Variants in EMC2 observed in about 807,000 individuals in gnomAD.
EMC2 encodes the protein TPR repeat protein 35.
A neutral mutation model predicts 51.6 loss-of-function variants in EMC2; 37 were observed. That is an observed-to-expected ratio of 0.72 (90% CI 0.55 to 0.94). EMC2 has a LOEUF of 0.94. Among genes scored for constraint, EMC2 ranks in the 40% least tolerant of loss-of-function variants. The pLI, the probability that EMC2 is intolerant of heterozygous loss-of-function variation, is 0.00. For synonymous variants in EMC2, 131 were observed against 112.4 expected, an observed-to-expected ratio of 1.17 and a Z score of -1.04; for missense variants, 359 against 350.9, an observed-to-expected ratio of 1.02 and a Z score of -0.18.
At chr8:108,479,408 G>C (rs139082943) in intron 10 of EMC2, among the ~76,000 whole-genome samples, 1 of 152,116 alleles carries the variant, frequency 6.6e-6, no homozygotes, top group East Asian at 1.9e-4. Context: ...TAAATATCAC[G>C]TCACATTTCA....
chr8:108,450,182 A>ATTGT (rs1818982229), intron 2 of EMC2, among the ~76,000 whole-genome samples: 1 of 152,156 alleles, frequency 6.6e-6, no homozygotes, highest in Non-Finnish European at 1.5e-5. Flanking sequence ...GCCAAAATGT[A>ATTGT]TTGTGTATGG....
At position 108,487,378 on chromosome 8, in the gene EMC2, GA is replaced by G. The variant is rs1164317065; in HGVS notation, c.*787del. On this transcript the variant is annotated 3_prime_UTR_variant, in exon 11 of 11. Transcript: ENST00000220853. The stretch of plus-strand genomic sequence containing the variant: ...AGGGGTTGTAGTTATTTTTAATTTT[GA>G]AAAAAATAAGAAAATTAAAACTATC... Among the ~76,000 whole-genome samples, 4 of 151,326 alleles carry G rather than the reference GA, an allele frequency of 2.6e-5. No individual in the cohort carries two copies. The highest frequency in any genetic ancestry group is 7.3e-5 in the African/African-American group (3 of 41,260).
chr8:108,457,318 G>A (rs1411723722), intron 5 of EMC2, among the ~76,000 whole-genome samples: 4 of 100,760 alleles, frequency 4.0e-5, no homozygotes, highest in Admixed American at 1.0e-4. Flanking sequence ...GTGTAGGGAT[G>A]TGCGTGTGTG....
chr8:108,483,536 G>C (rs1811083706), intron 10 of EMC2, among the ~76,000 whole-genome samples: 1 of 152,134 alleles, frequency 6.6e-6, no homozygotes, highest in African/African-American at 2.4e-5. Flanking sequence ...ATGTTTTTGA[G>C]ATTCATTCAT....
chr8:108,485,513 AATAT>A (rs1036752457), intron 10 of EMC2, among the ~76,000 whole-genome samples: 4 of 131,934 alleles, frequency 3.0e-5, no homozygotes, highest in African/African-American at 5.7e-5. Context: ...ATATATAATT[AATAT>A]ATATACATAT....
intron 7 of EMC2, among the ~76,000 whole-genome samples, chr8:108,471,578 T>A (rs922959556): frequency 1.3e-5 from 2 of 151,890 alleles, no homozygotes; most frequent in South Asian, 4.1e-4. Context: ...AAAATTATCT[T>A]CCGTAGTTTA....
Position 108,469,846 on chromosome 8 carries a change from T to G in EMC2, c.384T>G (p.Ile128Met), listed in dbSNP as rs2130387687. The G allele has an allele frequency of 2.5e-6, 4 of 1,613,480 alleles. No homozygotes were observed. The East Asian group carries it at 8.9e-5, about 36-fold the overall frequency. The change falls in exon 6 of 11, where the codon ATT becomes ATG. Residue 128 changes from isoleucine (I) to methionine (M), a missense_variant. Physicochemically the swap from Ile to Met is conservative, Grantham distance 10 (BLOSUM62 1). Coordinates refer to ENST00000220853, the MANE Select transcript of EMC2 (RefSeq NM_014673.5). ...CACAGGCTGCAAGAAAGCGTAAGAT[T>G]GCCATTCGAAAAGCCCAGGGGAAAA... is the stretch of plus-strand genomic sequence containing the variant. The part of the protein sequence containing the change: ...PTNTAARKRK[I>M]AIRKAQGKNV...
chr8:108,460,382 C>T (rs557433172), intron 5 of EMC2, among the ~76,000 whole-genome samples: 243 of 152,114 alleles, frequency 1.6e-3, no homozygotes, highest in Middle Eastern at 0.014. Context: ...CCAAATGGTT[C>T]CCCTCATAGA....
intron 5 of EMC2, among the ~76,000 whole-genome samples, chr8:108,458,151 T>A (rs896852811): frequency 7.2e-5 from 11 of 152,184 alleles, no homozygotes; most frequent in Admixed American, 6.5e-4. Context: ...ATGCAGGAGG[T>A]GGATTCCTAT....
chr8:108,450,045 CT>C, intron 2 of EMC2, 109 bp downstream of exon 2: 1 of 491,876 alleles, frequency 2.0e-6, no homozygotes, highest in Non-Finnish European at 3.6e-6. Context: ...TATTAATTTT[CT>C]TTGTGACTTT....
intron 7 of EMC2, among the ~76,000 whole-genome samples, chr8:108,472,723 C>T (rs532349035): frequency 1.2e-4 from 18 of 152,002 alleles, no homozygotes; most frequent in African/African-American, 2.7e-4. Flanking sequence ...CGTAGGATAT[C>T]AGTTTTAGCA....
At chr8:108,446,939 G>A (rs1286444744) in intron 1 of EMC2, among the ~76,000 whole-genome samples, 1 of 152,020 alleles carries the variant, frequency 6.6e-6, no homozygotes, top group East Asian at 1.9e-4. Flanking sequence ...CATACACAGT[G>A]TTTCTTGTTT....
At chr8:108,450,980 C>T (rs1420016231) in intron 3 of EMC2, among the ~76,000 whole-genome samples, 1 of 152,036 alleles carries the variant, frequency 6.6e-6, no homozygotes, top group African/African-American at 2.4e-5. Flanking sequence ...GGCAGGCAGA[C>T]CACCTGAGGT....
Position 108,449,683 on chromosome 8 carries a change from C to A in EMC2, c.41-140C>A, listed in dbSNP as rs567913984. 5 of 503,426 alleles carry A rather than the reference C, an allele frequency of 9.9e-6. No homozygotes were observed. In the East Asian group the frequency reaches 1.7e-4, roughly 18 times the overall value. 31.2% of individuals were successfully genotyped at this position (503,426 alleles called of 1,614,324 possible). A position where few individuals can be genotyped will look rare whatever the true frequency, so the allele number is the denominator to read the frequency against. The stretch of plus-strand genomic sequence containing the variant: ...TTTCTACTTTATCAAATTTGAGATA[C>A]CACAGACTTCTACATGATTGTGAGT... On this transcript the variant is annotated intron_variant, in intron 1 of 10. Coordinates refer to ENST00000220853, the MANE Select transcript of EMC2 (RefSeq NM_014673.5).
chr8:108,460,162 C>T (rs1819281922), intron 5 of EMC2, among the ~76,000 whole-genome samples: 1 of 152,110 alleles, frequency 6.6e-6, no homozygotes, highest in Non-Finnish European at 1.5e-5. Context: ...TATTTCTCAT[C>T]CCAGGTTAAA....
At chr8:108,484,840 A>G (rs1811106187) in intron 10 of EMC2, among the ~76,000 whole-genome samples, 1 of 152,038 alleles carries the variant, frequency 6.6e-6, no homozygotes, top group African/African-American at 2.4e-5. Context: ...CATGCCTCAC[A>G]GCCTTTAGTC....
chr8:108,477,542 A>T (rs933245244), intron 9 of EMC2, among the ~76,000 whole-genome samples: 1 of 152,072 alleles, frequency 6.6e-6, no homozygotes, highest in Non-Finnish European at 1.5e-5. Flanking sequence ...TGACTTCTTG[A>T]TGAGTGTCTT....
Position 108,479,115 on chromosome 8 carries a change from G to A in EMC2, c.807+5G>A. The stretch of plus-strand genomic sequence containing the variant: ...CAAATAAACAGAGCTTATCAGGTTA[G>A]TATTTATTGATCATTTTGCTATGTA... On this transcript the variant is annotated splice_donor_5th_base_variant and intron_variant, in intron 10 of 10. Coordinates refer to ENST00000220853, the MANE Select transcript of EMC2 (RefSeq NM_014673.5). 6.7e-7 allele frequency: 1 copy of A among 1,482,948 alleles called. No individual in the cohort carries two copies. Among genetic ancestry groups the A allele is most frequent in the Non-Finnish European group, 9.1e-7 (1 of 1,097,096 alleles). The allele number at this position is 1,482,948 out of a possible 1,614,324, so 91.9% of individuals were successfully genotyped here.
intron 5 of EMC2, among the ~76,000 whole-genome samples, chr8:108,465,240 G>A (rs1318921480): frequency 1.3e-5 from 2 of 152,132 alleles, no homozygotes; most frequent in Non-Finnish European, 2.9e-5. Context: ...TGGCACTAGT[G>A]TATATATATC....
Sources: allele counts gnomAD v4.1 joint callset (sites outside exome capture counted in the v4.1 genomes callset), GRCh38; gene constraint gnomAD v4.1.1; transcripts MANE v1.5; gene names NCBI Gene and HGNC (gene_info 2026-07-23, HGNC 2026-07-21).